The following CDH23 variants were observed in gnomAD, a reference collection of about 807,000 sequenced individuals.
The protein encoded by CDH23 is cadherin related 23, also known as cadherin-23.
CDH23 carries 189 observed loss-of-function variants against 317.1 expected under a neutral mutation model. The observed-to-expected ratio is 0.60, with a 90% CI of 0.53 to 0.67. The LOEUF (loss-of-function observed/expected upper bound fraction) is 0.67, where lower values mean the gene tolerates loss of function less well. CDH23 is among the 30% of genes least tolerant of loss of function. The pLI, the probability that CDH23 is intolerant of heterozygous loss-of-function variation, is 0.00. For missense variants in CDH23, 4,401 were observed against 4,592.4 expected, an observed-to-expected ratio of 0.96 and a Z score of 1.20; for synonymous variants, 1,839 against 1,876.8, an observed-to-expected ratio of 0.98 and a Z score of 0.52.
intron 27 of CDH23, chr10:71,712,390 C>T (rs1024574615): frequency 2.6e-6 from 1 of 380,366 alleles, no homozygotes; most frequent in African/African-American, 2.0e-5. Context: ...GTTACCTCCT[C>T]TGTAAAATGG....
At chr10:71,429,329 G>C (rs1006489119) in intron 1 of CDH23, among the ~76,000 whole-genome samples, 1 of 152,184 alleles carries the variant, frequency 6.6e-6, no homozygotes, top group Non-Finnish European at 1.5e-5. Context: ...GGGTCTGCAT[G>C]GGGTGTGTTC....
chr10:71,531,151 G>A (rs563416224), intron 6 of CDH23, among the ~76,000 whole-genome samples: 9 of 152,326 alleles, frequency 5.9e-5, no homozygotes, highest in East Asian at 3.9e-4. Context: ...AGGCTGCCAC[G>A]GGGTTGAACC....
At chr10:71,551,827 G>A (rs1238781162) in intron 6 of CDH23, among the ~76,000 whole-genome samples, 1 of 152,110 alleles carries the variant, frequency 6.6e-6, no homozygotes, top group African/African-American at 2.4e-5. Flanking sequence ...CCTCTGCCCT[G>A]TTCCTCCCAC....
chr10:71,807,671 GA>G lies in CDH23; in HGVS notation c.8465del (p.Asp2822AlafsTer15), dbSNP rs777284585. 1 of 1,613,812 alleles carries G rather than the reference GA, an allele frequency of 6.2e-7. No individual in the cohort carries two copies. Among genetic ancestry groups the G allele is most frequent in the Non-Finnish European group, 8.5e-7 (1 of 1,179,820 alleles). On this transcript the variant is annotated frameshift_variant, in exon 59 of 70. Coordinates refer to ENST00000224721, the MANE Select transcript of CDH23 (RefSeq NM_022124.6). LOFTEE classifies it high-confidence loss of function. The part of the protein sequence containing the change: ...TPPRGPSPTL[D>X]LVADLTLQEV... ...TCCCCGTGGACCCTCCCCAACCCTC[GA>G]CCTGGTTGCTGACCTCACACTGCAG...
chr10:71,522,624 C>T lies in CDH23; in HGVS notation c.429+11412C>T, dbSNP rs137881139. On this transcript the variant is annotated intron_variant, in intron 6 of 69. Coordinates refer to ENST00000224721, the MANE Select transcript of CDH23 (RefSeq NM_022124.6). ...ACTGTGCAGGTGATATGGGACAGTC[C>T]GCCTATACATTGCACGCACCAGGGG... 3.7e-3 allele frequency among the ~76,000 whole-genome samples: 558 copies of T among 152,234 alleles called. 6 individuals carry two copies. Among genetic ancestry groups the T allele is most frequent in the African/African-American group, 0.013 (530 of 41,532 alleles).
intron 53 of CDH23, among the ~76,000 whole-genome samples, 159 bp downstream of exon 53, chr10:71,800,914 T>G (rs1414337312): frequency 6.6e-6 from 1 of 152,140 alleles, no homozygotes; most frequent in East Asian, 1.9e-4. Flanking sequence ...GGTAACTGGA[T>G]GGGTTACAAT....
intron 3 of CDH23, chr10:71,508,012 C>G (rs1253920270): frequency 6.6e-6 from 1 of 152,258 alleles, no homozygotes; most frequent in Non-Finnish European, 1.5e-5. Flanking sequence ...TTTTACTCCT[C>G]CTTCTCACCT....
intron 6 of CDH23, among the ~76,000 whole-genome samples, chr10:71,518,746 T>C (rs1854485366): frequency 6.6e-6 from 1 of 152,146 alleles, no homozygotes; most frequent in South Asian, 2.1e-4. Context: ...AGATTCAACA[T>C]TTTCTGCCAC....
chr10:71,516,058 T>C (rs1218073708), intron 6 of CDH23, among the ~76,000 whole-genome samples: 1 of 152,218 alleles, frequency 6.6e-6, no homozygotes, highest in Admixed American at 6.5e-5. Flanking sequence ...CTTATTTTCA[T>C]ATATTGGAAT....
intron 38 of CDH23, chr10:71,749,464 G>A (rs1178540221): frequency 6.6e-6 from 1 of 152,268 alleles, no homozygotes; most frequent in Non-Finnish European, 1.5e-5. Flanking sequence ...GTGCCACCAT[G>A]GCCAGCCAGC....
intron 38 of CDH23, among the ~76,000 whole-genome samples, chr10:71,762,838 A>G (rs1171963047): frequency 6.6e-6 from 1 of 152,238 alleles, no homozygotes; most frequent in Non-Finnish European, 1.5e-5. Context: ...CTTCCAGCCA[A>G]ACTTAGAAAA....
intron 31 of CDH23, 124 bp downstream of exon 31, chr10:71,730,728 C>T (rs1273223625): frequency 1.2e-5 from 17 of 1,386,638 alleles, no homozygotes; most frequent in Non-Finnish European, 1.6e-5. Flanking sequence ...CATGTCTAGG[C>T]CAGGGAGGGG....
rs1312022 is a variant in CDH23, at chr10:71,689,143, G to A, written c.2060-1325G>A. On this transcript the variant is annotated intron_variant, in intron 19 of 69. Transcript: ENST00000224721. ...GGAGCCAGGGGTGGTGGAGCCAGGG[G>A]TGGTGGAGTCAGGGATGGTGGAGTC... is the stretch of plus-strand genomic sequence containing the variant. Among the ~76,000 whole-genome samples, 317 of 38,898 alleles carry A rather than the reference G, an allele frequency of 8.1e-3. 4 individuals are homozygous for A. The highest frequency in any genetic ancestry group is 0.012 in the Non-Finnish European group (150 of 12,922). The allele number at this position is 38,898 out of a possible 152,430, so 25.5% of individuals were successfully genotyped here. A position where few individuals can be genotyped will look rare whatever the true frequency, so the allele number is the denominator to read the frequency against.
intron 6 of CDH23, among the ~76,000 whole-genome samples, chr10:71,540,551 G>A (rs1297031887): frequency 5.3e-5 from 8 of 152,088 alleles, no homozygotes; most frequent in Non-Finnish European, 1.0e-4. Flanking sequence ...ACCCCAGGAA[G>A]ACCCCCTGCT....
At chr10:71,439,117 A>G (rs543122425) in intron 1 of CDH23, among the ~76,000 whole-genome samples, 29 of 152,246 alleles carry the variant, frequency 1.9e-4, no homozygotes, top group African/African-American at 6.3e-4. Flanking sequence ...ACCTCTGTCA[A>G]CTGAGCCCCC....
In CDH23 at chr10:71,801,002, T is replaced by C. The variant is rs561221796; in HGVS notation, c.7482+247T>C. ...CTATTTGGCAAAATATTTTGGCAAA[T>C]AGGCAGCTAAACATACCTGGGTGTA... On this transcript the variant is annotated intron_variant, in intron 53 of 69. Transcript: ENST00000224721. Among the ~76,000 whole-genome samples, 383 of 152,256 alleles carry C rather than the reference T, an allele frequency of 2.5e-3. 1 individual carries two copies. The highest frequency in any genetic ancestry group is 4.1e-3 in the Non-Finnish European group (279 of 68,010).
chr10:71,702,742 G>A (rs536966775), intron 24 of CDH23, 48 bp downstream of exon 24: 1 of 1,609,834 alleles, frequency 6.2e-7, no homozygotes, highest in South Asian at 1.1e-5. Flanking sequence ...TGGGCAGTGG[G>A]TGCCTGAGGA....
At chr10:71,695,802 C>T (rs1451215290) in intron 22 of CDH23, among the ~76,000 whole-genome samples, 3 of 152,196 alleles carry the variant, frequency 2.0e-5, no homozygotes, top group Admixed American at 1.3e-4. Context: ...GAGCTCTGGC[C>T]GGTTCCGCTT....
intron 38 of CDH23, among the ~76,000 whole-genome samples, chr10:71,744,560 GCAGGGA>G (rs1487556091): frequency 2.0e-5 from 3 of 152,190 alleles, no homozygotes; most frequent in Non-Finnish European, 4.4e-5. Context: ...CAAACCCTCT[GCAGGGA>G]CCCATCCCAC....
Sources: allele counts gnomAD v4.1 joint callset (sites outside exome capture counted in the v4.1 genomes callset), GRCh38; gene constraint gnomAD v4.1.1; transcripts MANE v1.5; gene names NCBI Gene and HGNC (gene_info 2026-07-23, HGNC 2026-07-21).